FAM83A: variants seen among roughly 807,000 people sequenced by gnomAD.
The protein encoded by FAM83A is protein FAM83A.
A neutral mutation model predicts 24.4 loss-of-function variants in FAM83A; 21 were observed. The observed-to-expected ratio is 0.86, with a 90% CI of 0.61 to 1.24. The LOEUF is 1.24. Ranked by LOEUF, FAM83A falls within the 50% of genes most tolerant of loss-of-function variation. The probability of loss-of-function intolerance (pLI) is 0.00; values close to 1 mark genes in which losing one functional copy is unlikely to be tolerated. For synonymous variants in FAM83A, 270 were observed against 252.4 expected (o/e 1.07, Z -0.66); for missense variants, 617 against 579.8 (o/e 1.06, Z -0.66).
rs1824658050 is a variant in FAM83A at position 123,209,279 on chromosome 8, T to C, written c.*1591T>C. 1 of 1,307,364 alleles carries C rather than the reference T, an allele frequency of 7.6e-7. No individual in the cohort carries two copies. The highest frequency in any genetic ancestry group is 9.7e-7 in the Non-Finnish European group (1 of 1,036,026). The allele number at this position is 1,307,364 out of a possible 1,614,324, so 81.0% of individuals were successfully genotyped here. ...TGACCCCTGACGGCCTGTGGCATCC[T>C]CCCTAGTCCCCTCTGCCCATCCATC... On this transcript the variant is annotated 3_prime_UTR_variant, in exon 4 of 4. Transcript: ENST00000690554. This position sits in a 1 kb window ranked among gnomAD's most constrained non-coding sequence, Gnocchi z 4.7.
At chr8:123,183,482 G>T in intron 1 of FAM83A, 146 bp downstream of exon 1, 1 of 1,283,296 alleles carries the variant, frequency 7.8e-7, no homozygotes, top group Non-Finnish European at 1.0e-6. Flanking sequence ...TGTCCGCCTT[G>T]CCCTGGACCA....
intron 1 of FAM83A, among the ~76,000 whole-genome samples, chr8:123,191,297 G>A (rs570327220): frequency 1.1e-3 from 161 of 152,266 alleles, no homozygotes; most frequent in Admixed American, 2.2e-3. Flanking sequence ...TCCATCCCAC[G>A]GGGAGCAGCT....
rs1044658648 is a variant in FAM83A at position 123,196,706 on chromosome 8, G to A, written c.773+2558G>A. 2.0e-5 allele frequency among the ~76,000 whole-genome samples: 3 copies of A among 152,146 alleles called. No homozygotes were observed. The South Asian group carries it at 6.2e-4, about 32-fold the overall frequency. ...TTTGGTTCCTATTAAGTTCGTCAAG[G>A]CTATTTCACCGTAAGGCACAGAAAA... On this transcript the variant is annotated intron_variant, in intron 3 of 3. Transcript: ENST00000690554.
chr8:123,207,234 A>G, exon 4 of FAM83A: 1 of 1,612,130 alleles, frequency 6.2e-7, no homozygotes, highest in Non-Finnish European at 8.5e-7. Context: ...CTGTTTGACG[A>G]GGAGTTCCGC....
At chr8:123,179,321 T>G (rs1563775891), upstream of FAM83A, 1 of 152,182 alleles carries the variant, frequency 6.6e-6, no homozygotes, top group African/African-American at 2.4e-5. Flanking sequence ...GCGGGTTTGT[T>G]AAAATGAGTT....
At chr8:123,181,058 C>G (rs986703619), upstream of FAM83A, among the ~76,000 whole-genome samples, 1 of 152,164 alleles carries the variant, frequency 6.6e-6, no homozygotes, top group Admixed American at 6.5e-5. Context: ...ATTCTCCTGC[C>G]TGATCTCCTG....
chr8:123,186,113 C>T (rs2131062576), intron 1 of FAM83A, among the ~76,000 whole-genome samples: 1 of 152,248 alleles, frequency 6.6e-6, no homozygotes, highest in East Asian at 1.9e-4. Flanking sequence ...ATATGGCAAA[C>T]ATAAATAGCT....
chr8:123,194,235 A>C (rs1023688514), intron 3 of FAM83A, 87 bp downstream of exon 3: 17 of 1,559,430 alleles, frequency 1.1e-5, no homozygotes, highest in Middle Eastern at 2.3e-4. Flanking sequence ...CTCAGACACA[A>C]ACACCCCCAG....
At chr8:123,182,955 G>A in exon 1 of FAM83A, 1 of 1,607,580 alleles carries the variant, frequency 6.2e-7, no homozygotes, top group Non-Finnish European at 8.5e-7. Context: ...GTGACAACGA[G>A]AGTGCCCGGC....
chr8:123,198,038 G>A (rs1159323070), intron 3 of FAM83A, among the ~76,000 whole-genome samples: 2 of 152,202 alleles, frequency 1.3e-5, no homozygotes, highest in East Asian at 3.8e-4. Flanking sequence ...GCTGAGGCAT[G>A]AGAATCACTT....
upstream of FAM83A, among the ~76,000 whole-genome samples, chr8:123,181,009 T>A (rs967909520): frequency 2.6e-5 from 4 of 152,190 alleles, no homozygotes; most frequent in African/African-American, 4.8e-5. Context: ...AATGGTGCGA[T>A]CTTGGCTCAT....
chr8:123,188,043 ATT>A (rs544198021), intron 1 of FAM83A, among the ~76,000 whole-genome samples: 2 of 145,470 alleles, frequency 1.4e-5, no homozygotes. Flanking sequence ...TATTATTATT[ATT>A]TTTTTTTTTA....
At chr8:123,182,695 C>T (rs778579025) in exon 1 of FAM83A, 10 of 1,023,346 alleles carry the variant, frequency 9.8e-6, no homozygotes, top group African/African-American at 1.6e-5. Flanking sequence ...CTCAGGACAG[C>T]GGTAAATCAC....
rs768892124 is a variant in FAM83A, at chr8:123,207,444, G to C, written c.1061G>C (p.Gly354Ala). ...ACCCGAAGTGTGTCCGCGTCTTCAG[G>C]GCCCTGTAGCCCCGCGGCCCCACAC... The change falls in exon 4 of 4, where the codon GGG (glycine) becomes GCG (alanine). Residue 354 changes from glycine to alanine, a missense_variant. Gly to Ala is a moderately conservative substitution (Grantham distance 60). Coordinates refer to ENST00000690554, the Ensembl canonical transcript of FAM83A. The C allele has an allele frequency of 6.2e-6, 10 of 1,604,710 alleles. 1 individual carries two copies. In the South Asian group the frequency reaches 7.7e-5, roughly 12 times the overall value.
rs79849072 is a variant in FAM83A, at chr8:123,194,885, A to G, written c.773+737A>G. Among the ~76,000 whole-genome samples the G allele has an allele frequency of 8.8e-3, 1,343 of 152,276 alleles. 21 individuals carry two copies. Among genetic ancestry groups the G allele is most frequent in the African/African-American group, 0.03 (1,227 of 41,542 alleles). ...GCATGAGCCCCTGCGCCCAGCCTCA[A>G]TTTGTGTTTAGACCCTCACACATAG... On this transcript the variant is annotated intron_variant, in intron 3 of 3. Coordinates refer to ENST00000690554, the Ensembl canonical transcript of FAM83A.
intron 3 of FAM83A, among the ~76,000 whole-genome samples, chr8:123,196,172 C>T (rs1486314421): frequency 6.6e-6 from 1 of 152,146 alleles, no homozygotes; most frequent in African/African-American, 2.4e-5. Flanking sequence ...CCACCACGCT[C>T]GGCTAATTTT....
chr8:123,181,119 G>A (rs1281382575), upstream of FAM83A, among the ~76,000 whole-genome samples: 1 of 152,028 alleles, frequency 6.6e-6, no homozygotes, highest in Non-Finnish European at 1.5e-5. Context: ...GCTAATTTTT[G>A]TATTTTTAGT....
At chr8:123,202,835 T>C (rs1824406988) in intron 3 of FAM83A, 1 of 152,208 alleles carries the variant, frequency 6.6e-6, no homozygotes, top group African/African-American at 2.4e-5. Context: ...TGTGGTTATG[T>C]ACTTGTGGGT....
At chr8:123,204,122 T>C (rs1196737539) in intron 3 of FAM83A, among the ~76,000 whole-genome samples, 1 of 152,036 alleles carries the variant, frequency 6.6e-6, no homozygotes, top group Non-Finnish European at 1.5e-5. Context: ...ATCCTCAAGA[T>C]GCTACCTTGG....
Sources: gnomAD v4.1 joint callset for allele counts (sites outside exome capture counted in the v4.1 genomes callset) on GRCh38, gnomAD v4.1.1 for gene constraint, Gnocchi (gnomAD v3.1) non-coding constraint, MANE v1.5 for transcripts, NCBI Gene and HGNC (gene_info 2026-07-23, HGNC 2026-07-21) for gene names.